GABBR2: variants seen among roughly 807,000 people sequenced by gnomAD.
GABBR2 encodes the protein G-protein coupled receptor 51.
A neutral mutation model predicts 105.6 loss-of-function variants in GABBR2; 23 were observed. The observed-to-expected ratio is 0.22, with a 90% CI of 0.16 to 0.31. The LOEUF (loss-of-function observed/expected upper bound fraction) is 0.31, where lower values mean the gene tolerates loss of function less well. GABBR2 is among the 10% of genes least tolerant of loss of function. The pLI, the probability that GABBR2 is intolerant of heterozygous loss-of-function variation, is 1.00. For synonymous variants in GABBR2, 478 were observed against 499.7 expected, an observed-to-expected ratio of 0.96 and a Z score of 0.58; for missense variants, 734 against 1,245.5, an observed-to-expected ratio of 0.59 and a Z score of 6.18.
chr9:98,480,389 C>T (rs1826891286), intron 5 of GABBR2, among the ~76,000 whole-genome samples: 1 of 152,148 alleles, frequency 6.6e-6, no homozygotes, highest in South Asian at 2.1e-4. Flanking sequence ...GCTGAGGGCC[C>T]TTGGACAAGT....
intron 3 of GABBR2, among the ~76,000 whole-genome samples, chr9:98,501,312 C>G (rs1827396072): frequency 6.6e-6 from 1 of 152,018 alleles, no homozygotes. Context: ...TTACAGGTGC[C>G]CGCCACCACA....
intron 2 of GABBR2, among the ~76,000 whole-genome samples, chr9:98,550,851 A>G (rs548314866): frequency 6.6e-6 from 1 of 152,274 alleles, no homozygotes; most frequent in South Asian, 2.1e-4. Context: ...GAGTTCATAG[A>G]TACTGGATTT....
chr9:98,494,675 TG>T (rs1209240011), intron 4 of GABBR2, among the ~76,000 whole-genome samples: 1 of 152,002 alleles, frequency 6.6e-6, no homozygotes, highest in Non-Finnish European at 1.5e-5. Context: ...CTGAGGGCTT[TG>T]GGGAGGACGA....
chr9:98,595,292 C>T (rs1005926009), intron 1 of GABBR2, among the ~76,000 whole-genome samples: 4 of 152,008 alleles, frequency 2.6e-5, no homozygotes, highest in Non-Finnish European at 2.9e-5. Flanking sequence ...GCTCCACCCT[C>T]GTGACCTAAT....
intron 2 of GABBR2, among the ~76,000 whole-genome samples, chr9:98,553,007 C>T (rs1483135305): frequency 1.3e-5 from 2 of 152,052 alleles, no homozygotes; most frequent in African/African-American, 4.8e-5. Flanking sequence ...TCCTGAGTAG[C>T]TGGGATTATA....
chr9:98,520,557 C>A (rs1450617410), intron 3 of GABBR2, among the ~76,000 whole-genome samples: 2 of 152,192 alleles, frequency 1.3e-5, no homozygotes, highest in Non-Finnish European at 2.9e-5. Flanking sequence ...CCTCTGCAAC[C>A]CCCTCCCCAC....
intron 1 of GABBR2, among the ~76,000 whole-genome samples, chr9:98,616,780 T>G (rs1202848244): frequency 6.6e-6 from 1 of 152,020 alleles, no homozygotes; most frequent in Non-Finnish European, 1.5e-5. Flanking sequence ...AAAAGTCTTC[T>G]ACTTTGGCAG....
chr9:98,467,982 G>T (rs139531547), intron 6 of GABBR2, among the ~76,000 whole-genome samples: 1 of 152,216 alleles, frequency 6.6e-6, no homozygotes, highest in Non-Finnish European at 1.5e-5. Flanking sequence ...TGAAATCACC[G>T]ATGTCAAGTC....
In GABBR2 at chr9:98,454,179, C is replaced by T. The variant is rs1187238409; in HGVS notation, c.1038G>A (p.Arg346=). Residue 346 remains arginine, a synonymous_variant, in exon 7 of 19, where the codon CGG becomes CGA. Coordinates refer to ENST00000259455, the MANE Select transcript of GABBR2 (RefSeq NM_005458.8). This position sits in a 1 kb window ranked among gnomAD's most constrained non-coding sequence, Gnocchi z 4.6. ...GGAACTTGCTGGGCCCCACGCCTGA[C>T]CGCTTGTTGTTGTACTCTCTCTCAT... ...QQYEREYNNK[R]SGVGPSKFHG... is the part of the protein sequence containing the mutation. 6.2e-7 allele frequency: 1 copy of T among 1,614,078 alleles called. No individual in the cohort carries two copies. Among genetic ancestry groups the T allele is most frequent in the South Asian group, 1.1e-5 (1 of 91,076 alleles).
rs372520351 is a variant in GABBR2 at position 98,513,870 on chromosome 9, G to C, written c.631-17356C>G. On this transcript the variant is annotated intron_variant, in intron 3 of 18. Coordinates refer to ENST00000259455, the MANE Select transcript of GABBR2 (RefSeq NM_005458.8). ...GCGGCGATTCCTCAGGGATCTAGAA[G>C]TAGAAATACCATTTGACCCAGCCAT... Among the ~76,000 whole-genome samples the C allele has an allele frequency of 3.9e-5, 6 of 152,158 alleles. 1 individual carries two copies. Among genetic ancestry groups the C allele is most frequent in the East Asian group, 1.9e-4 (1 of 5,198 alleles).
At chr9:98,694,797 A>G (rs1451823977) in intron 1 of GABBR2, among the ~76,000 whole-genome samples, 1 of 152,208 alleles carries the variant, frequency 6.6e-6, no homozygotes, top group Non-Finnish European at 1.5e-5. Context: ...CAGAGCAGAC[A>G]TTACTATTCT....
At chr9:98,681,820 A>G (rs993085770) in intron 1 of GABBR2, among the ~76,000 whole-genome samples, 2 of 152,246 alleles carry the variant, frequency 1.3e-5, no homozygotes, top group African/African-American at 4.8e-5. Context: ...AAAAGGAGAT[A>G]TAAGTGGGTT....
At chr9:98,644,559 G>A (rs1258812100) in intron 1 of GABBR2, among the ~76,000 whole-genome samples, 1 of 152,184 alleles carries the variant, frequency 6.6e-6, no homozygotes, top group Non-Finnish European at 1.5e-5. Flanking sequence ...TACTGGGAAT[G>A]GGCTGGGCGT....
At chr9:98,563,323 G>GC (rs1366985026) in intron 2 of GABBR2, among the ~76,000 whole-genome samples, 1 of 152,182 alleles carries the variant, frequency 6.6e-6, no homozygotes, top group East Asian at 1.9e-4. Flanking sequence ...AGGAGACGCT[G>GC]CCTCGACTTC....
intron 2 of GABBR2, among the ~76,000 whole-genome samples, chr9:98,559,790 T>C (rs1319841875): frequency 6.6e-6 from 1 of 152,016 alleles, no homozygotes; most frequent in Non-Finnish European, 1.5e-5. Flanking sequence ...AGTAGAGGAC[T>C]GGCTGTACAA....
chr9:98,466,483 T>C, intron 6 of GABBR2, among the ~76,000 whole-genome samples: 1 of 152,208 alleles, frequency 6.6e-6, no homozygotes, highest in Non-Finnish European at 1.5e-5. Flanking sequence ...CTTCCATTGC[T>C]CCTCATCTCA....
At chr9:98,452,680 C>T (rs754727370) in intron 7 of GABBR2, among the ~76,000 whole-genome samples, 9 of 152,188 alleles carry the variant, frequency 5.9e-5, no homozygotes, top group South Asian at 2.1e-4. Context: ...GCACATAATA[C>T]GCAATCAAGA....
chr9:98,348,860 A>G (rs1045138295), intron 13 of GABBR2, among the ~76,000 whole-genome samples: 35 of 152,306 alleles, frequency 2.3e-4, no homozygotes, highest in African/African-American at 8.2e-4. Context: ...ATAAGATCAT[A>G]TCATCTGCAA....
intron 6 of GABBR2, among the ~76,000 whole-genome samples, chr9:98,469,425 A>C (rs1196209975): frequency 6.6e-6 from 1 of 152,190 alleles, no homozygotes; most frequent in Non-Finnish European, 1.5e-5. Context: ...TAGGTAATCC[A>C]GGAAATCTCA....
Sources: allele counts gnomAD v4.1 joint callset (sites outside exome capture counted in the v4.1 genomes callset), GRCh38; gene constraint gnomAD v4.1.1; non-coding constraint Gnocchi (gnomAD v3.1); transcripts MANE v1.5; gene names NCBI Gene and HGNC (gene_info 2026-07-23, HGNC 2026-07-21).